Variants in ITSN2 observed in about 807,000 individuals in gnomAD.
The protein encoded by ITSN2 is intersectin-2.
Under a neutral mutation model 243.7 loss-of-function variants are expected in ITSN2, and 156 were observed. The observed-to-expected ratio is 0.64, with a 90% CI of 0.56 to 0.73. ITSN2 has a LOEUF of 0.73. Ranked by LOEUF, ITSN2 falls within the 30% of genes least tolerant of loss-of-function variation. The pLI is 0.00. For missense variants in ITSN2, 1,801 were observed against 1,996.1 expected (o/e 0.90, Z 1.86); for synonymous variants, 703 against 699.9 (o/e 1.00, Z -0.07).
chr2:24,209,730 G>C, intron 35 of ITSN2, 88 bp downstream of exon 35: 1 of 1,050,246 alleles, frequency 9.5e-7, no homozygotes, highest in Non-Finnish European at 1.5e-6. Flanking sequence ...GTCCCGTAAG[G>C]CCAGCTCAGG....
chr2:24,300,182 T>G lies in ITSN2; in HGVS notation c.1082-11A>C, dbSNP rs781600719. 11 of 1,613,704 alleles carry G rather than the reference T, an allele frequency of 6.8e-6. No homozygotes were observed. In the East Asian group the frequency reaches 2.2e-4, roughly 33 times the overall value. On this transcript the variant is annotated splice_polypyrimidine_tract_variant and intron_variant, in intron 11 of 39. Coordinates refer to ENST00000355123, the MANE Select transcript of ITSN2 (RefSeq NM_006277.3). Reference sequence around the variant, plus strand: ...TGTCCTCAAAAGTAACTGAACAAGGTATGCCTATCAGCATCCACACACATT... The same window carrying G: ...TGTCCTCAAAAGTAACTGAACAAGGGATGCCTATCAGCATCCACACACATT...
intron 1 of ITSN2, among the ~76,000 whole-genome samples, chr2:24,333,806 T>C (rs1410091363): frequency 6.6e-6 from 1 of 152,084 alleles, no homozygotes; most frequent in Non-Finnish European, 1.5e-5. Flanking sequence ...AAGCAGGAAA[T>C]CCTGCTTTTA....
At chr2:24,323,497 C>A (rs1684815311) in intron 2 of ITSN2, among the ~76,000 whole-genome samples, 1 of 152,082 alleles carries the variant, frequency 6.6e-6, no homozygotes, top group South Asian at 2.1e-4. Flanking sequence ...ATTGTGTATT[C>A]CATTTATATG....
intron 24 of ITSN2, among the ~76,000 whole-genome samples, chr2:24,254,157 G>C (rs528241067): frequency 6.6e-6 from 1 of 152,116 alleles, no homozygotes; most frequent in African/African-American, 2.4e-5. Context: ...CCTTTCTAAA[G>C]TGCCAAGTAT....
At chr2:24,345,033 C>T (rs2551135) in intron 1 of ITSN2, among the ~76,000 whole-genome samples, 148,997 of 152,362 alleles carry the variant, frequency 0.98, 72,849 homozygotes, top group East Asian at 0.99. Flanking sequence ...AATATTATCA[C>T]CTCAACATAT....
At chr2:24,350,256 G>A (rs1406019908) in intron 1 of ITSN2, among the ~76,000 whole-genome samples, 1 of 152,150 alleles carries the variant, frequency 6.6e-6, no homozygotes, top group East Asian at 1.9e-4. Context: ...GGACCATACT[G>A]AGGAAGCATT....
chr2:24,334,528 A>G, intron 1 of ITSN2: 1 of 817,696 alleles, frequency 1.2e-6, no homozygotes, highest in Non-Finnish European at 2.1e-6. Context: ...AACATTCCTA[A>G]AACCCGCAGG....
intron 1 of ITSN2, among the ~76,000 whole-genome samples, chr2:24,342,036 T>C (rs932849947): frequency 2.0e-5 from 3 of 152,094 alleles, no homozygotes; most frequent in Admixed American, 6.6e-5. Context: ...AAAGAAGTAG[T>C]AGACAGCTCT....
At chr2:24,210,614 CAAAAAAAAAAAA>C (rs950984341) in intron 34 of ITSN2, among the ~76,000 whole-genome samples, 154 bp downstream of exon 34, 2 of 53,984 alleles carry the variant, frequency 3.7e-5, no homozygotes, top group Admixed American at 2.0e-4. Flanking sequence ...GACTCCGTCT[CAAAAAAAAAAAA>C]AAAAAAAAGA....
At chr2:24,350,787 T>C (rs1687949206) in intron 1 of ITSN2, among the ~76,000 whole-genome samples, 1 of 152,186 alleles carries the variant, frequency 6.6e-6, no homozygotes, top group African/African-American at 2.4e-5. Flanking sequence ...ATGAAATGTC[T>C]AGGATAGGCA....
chr2:24,248,734 A>C lies in ITSN2; in HGVS notation c.3183T>G (p.Thr1061=), dbSNP rs2151300834. 6.2e-7 allele frequency: 1 copy of C among 1,613,596 alleles called. No homozygotes were observed. The highest frequency in any genetic ancestry group is 2.2e-5 in the East Asian group (1 of 44,800). ...SNKKPEIAQV[T]SAYVASGSEQ... ...CAGAACCAGAAGCAACATATGCTGAAGTTACCTGAGCAATCTCTGAAAAGA... is the reference window on the plus strand; with the variant it reads ...CAGAACCAGAAGCAACATATGCTGACGTTACCTGAGCAATCTCTGAAAAGA... Residue 1061 remains threonine, a synonymous_variant, in exon 27 of 40, where the codon ACT becomes ACG. Transcript: ENST00000355123.
At chr2:24,234,595 G>GT (rs1345384209) in intron 29 of ITSN2, among the ~76,000 whole-genome samples, 1 of 152,074 alleles carries the variant, frequency 6.6e-6, no homozygotes, top group Non-Finnish European at 1.5e-5. Flanking sequence ...TGCAAAAGAC[G>GT]TATCTGATAA....
chr2:24,207,636 C>T (rs151003423), intron 37 of ITSN2, among the ~76,000 whole-genome samples: 2,133 of 152,008 alleles, frequency 0.014, 19 homozygotes, highest in South Asian at 0.043. Flanking sequence ...GGGAAGGCAG[C>T]GCCTCAGTGA....
At chr2:24,239,551 A>G (rs1206779259) in intron 29 of ITSN2, 1 of 152,086 alleles carries the variant, frequency 6.6e-6, no homozygotes, top group Non-Finnish European at 1.5e-5. Context: ...ATAATTTAAA[A>G]GTGATTATTA....
intron 17 of ITSN2, among the ~76,000 whole-genome samples, chr2:24,284,014 A>C (rs1679155452): frequency 6.6e-6 from 1 of 152,102 alleles, no homozygotes. Context: ...TCTACTTATC[A>C]TGTTTCTGTC....
intron 16 of ITSN2, 146 bp downstream of exon 16, chr2:24,286,066 T>A (rs1326890411): frequency 3.5e-6 from 2 of 570,786 alleles, no homozygotes; most frequent in African/African-American, 3.8e-5. Flanking sequence ...TTAAAAACAA[T>A]CTTGAAATTC....
In ITSN2 at chr2:24,211,120, T is replaced by G. The variant is rs139802439; in HGVS notation, c.4090-173A>C. On this transcript the variant is annotated intron_variant, in intron 33 of 39. Transcript: ENST00000355123. This position sits in a 1 kb window ranked among gnomAD's most constrained non-coding sequence, Gnocchi z 4.1. ...CTTGAGAAACTCGTACTCCCACAAG[T>G]TCTTGGGGACACAGGGACAGGTAAC... Among the ~76,000 whole-genome samples, 642 of 152,258 alleles carry G rather than the reference T, an allele frequency of 4.2e-3. 2 individuals are homozygous for G. The highest frequency in any genetic ancestry group is 5.8e-3 in the Non-Finnish European group (392 of 68,012).
Position 24,284,850 on chromosome 2 carries a change from G to T in ITSN2, c.1864-7C>A. On this transcript the variant is annotated splice_region_variant and splice_polypyrimidine_tract_variant and intron_variant, in intron 16 of 39. Coordinates refer to ENST00000355123, the MANE Select transcript of ITSN2 (RefSeq NM_006277.3). ...AGTCATCCATATTCCCACACTGTAA[G>T]ATAAGGCAGATAAAAAGCCAATTAA... The T allele has an allele frequency of 1.4e-6, 2 of 1,399,292 alleles. No individual in the cohort carries two copies. Among genetic ancestry groups the T allele is most frequent in the Non-Finnish European group, 2.0e-6 (2 of 1,005,664 alleles). The allele number at this position is 1,399,292 out of a possible 1,614,324, so 86.7% of individuals were successfully genotyped here.
chr2:24,263,484 C>T (rs951766213), intron 20 of ITSN2, among the ~76,000 whole-genome samples: 7 of 152,142 alleles, frequency 4.6e-5, no homozygotes, highest in African/African-American at 1.7e-4. Flanking sequence ...TATGTATATA[C>T]CTGTGAAAAA....
Sources: gnomAD v4.1 joint callset for allele counts (sites outside exome capture counted in the v4.1 genomes callset) on GRCh38, gnomAD v4.1.1 for gene constraint, Gnocchi (gnomAD v3.1) non-coding constraint, MANE v1.5 for transcripts, NCBI Gene and HGNC (gene_info 2026-07-23, HGNC 2026-07-21) for gene names.